The following TBXAS1 variants were observed in gnomAD, a reference collection of about 807,000 sequenced individuals.
TBXAS1 encodes the protein thromboxane-A synthase.
In TBXAS1, 48 loss-of-function variants were observed where a neutral mutation model predicts 60.7. The ratio of observed to expected loss-of-function variants is 0.79; its 90% CI spans 0.63 to 1.01. TBXAS1 has a LOEUF of 1.01. Ranked by LOEUF, TBXAS1 falls within the 50% of genes least tolerant of loss-of-function variation. TBXAS1 has a pLI of 0.00. For synonymous variants in TBXAS1, 287 were observed against 269.7 expected, an observed-to-expected ratio of 1.06 and a Z score of -0.63; for missense variants, 685 against 686.3, an observed-to-expected ratio of 1.00 and a Z score of 0.02.
intron 9 of TBXAS1, among the ~76,000 whole-genome samples, chr7:139,977,156 G>T (rs1584991158): frequency 6.6e-6 from 1 of 152,160 alleles, no homozygotes; most frequent in African/African-American, 2.4e-5. Flanking sequence ...CTCTAGGAGG[G>T]TGTATTAGTC....
intron 1 of TBXAS1, among the ~76,000 whole-genome samples, chr7:139,833,198 T>C (rs1237142412): frequency 6.6e-6 from 1 of 152,164 alleles, no homozygotes; most frequent in Admixed American, 6.5e-5. Context: ...GATACAGAAC[T>C]GCAGAATGGA....
At chr7:139,950,137 G>A (rs1337390464) in intron 5 of TBXAS1, among the ~76,000 whole-genome samples, 2 of 146,674 alleles carry the variant, frequency 1.4e-5, no homozygotes, top group African/African-American at 2.5e-5. Context: ...AGGTTCAAGC[G>A]ATTCTCCTGC....
chr7:139,969,337 G>T (rs1023205435), intron 9 of TBXAS1, among the ~76,000 whole-genome samples: 8 of 151,370 alleles, frequency 5.3e-5, no homozygotes, highest in Non-Finnish European at 8.8e-5. Context: ...AAGGATAAAA[G>T]AACATTCTGT....
At position 140,017,698 on chromosome 7, in the gene TBXAS1, C is replaced by A; in HGVS notation, c.1392C>A (p.His464Gln). The A allele has an allele frequency of 1.9e-6, 3 of 1,613,642 alleles. No homozygotes were observed. The South Asian group carries it at 3.3e-5, about 18-fold the overall frequency. Reference sequence around the variant, plus strand: ...TCACGGCTGAGGCCCGGCAGCAGCACCGGCCCTTCACGTACCTGCCCTTCG... The same window carrying A: ...TCACGGCTGAGGCCCGGCAGCAGCAACGGCCCTTCACGTACCTGCCCTTCG... ...ERFTAEARQQ[H>Q]RPFTYLPFGA... Residue 464 changes from histidine to glutamine, a missense_variant, in exon 12 of 13, where the codon CAC (histidine) becomes CAA (glutamine). Coordinates refer to ENST00000448866, the MANE Select transcript of TBXAS1 (RefSeq NM_001061.7).
chr7:139,778,805 G>A lies in TBXAS1; in HGVS notation c.-318+334G>A, dbSNP rs530553936. ...AACACTCTCCAGACTCTCCCCAGCCGGGAGCCTCTCCAGGTTTGCTTCTCC... is the reference window on the plus strand; with the variant it reads ...AACACTCTCCAGACTCTCCCCAGCCAGGAGCCTCTCCAGGTTTGCTTCTCC... On this transcript the variant is annotated intron_variant, in intron 1 of 16. Transcript: ENST00000336425. The surrounding 1 kb of genome is among the most constrained non-coding windows in gnomAD (Gnocchi z 4.8). Among the ~76,000 whole-genome samples the A allele has an allele frequency of 1.6e-3, 242 of 152,222 alleles. 1 individual carries two copies. The highest frequency in any genetic ancestry group is 5.5e-3 in the African/African-American group (229 of 41,532).
At chr7:139,895,092 T>C (rs1280586460) in intron 3 of TBXAS1, among the ~76,000 whole-genome samples, 2 of 152,244 alleles carry the variant, frequency 1.3e-5, no homozygotes, top group African/African-American at 2.4e-5. Context: ...GGTAGAATCA[T>C]GGACCAGTGA....
chr7:139,863,511 C>T (rs927213695), intron 1 of TBXAS1, among the ~76,000 whole-genome samples: 2 of 152,134 alleles, frequency 1.3e-5, no homozygotes, highest in Non-Finnish European at 1.5e-5. Flanking sequence ...TATCTGTTCT[C>T]CTGAGGTTTG....
At chr7:139,824,097 A>G (rs1798373365) in intron 4 of TBXAS1, among the ~76,000 whole-genome samples, 1 of 152,222 alleles carries the variant, frequency 6.6e-6, no homozygotes, top group Non-Finnish European at 1.5e-5. Flanking sequence ...AACATAGGGA[A>G]CATGAAGGAA....
At chr7:139,811,788 A>G (rs893272748) in intron 4 of TBXAS1, among the ~76,000 whole-genome samples, 1 of 152,210 alleles carries the variant, frequency 6.6e-6, no homozygotes, top group Non-Finnish European at 1.5e-5. Context: ...CATGGAATGT[A>G]CTCTGTTGTG....
At chr7:139,998,575 A>C (rs1813454865) in intron 9 of TBXAS1, among the ~76,000 whole-genome samples, 1 of 152,210 alleles carries the variant, frequency 6.6e-6, no homozygotes, top group South Asian at 2.1e-4. Context: ...ATAGACAATA[A>C]AAGCTGCTCT....
intron 5 of TBXAS1, among the ~76,000 whole-genome samples, chr7:139,944,635 G>A (rs1218034734): frequency 6.6e-6 from 1 of 152,160 alleles, no homozygotes; most frequent in Admixed American, 6.5e-5. Flanking sequence ...CCTCTTTGTA[G>A]TAGCCCCAAG....
At chr7:139,902,214 A>T (rs1401421912) in intron 3 of TBXAS1, among the ~76,000 whole-genome samples, 1 of 151,808 alleles carries the variant, frequency 6.6e-6, no homozygotes, top group African/African-American at 2.4e-5. Context: ...CAAGATAAAG[A>T]CTATCCTATG....
intron 1 of TBXAS1, among the ~76,000 whole-genome samples, chr7:139,836,276 C>T (rs1799056335): frequency 6.6e-6 from 1 of 152,086 alleles, no homozygotes; most frequent in African/African-American, 2.4e-5. Context: ...CAGTCTGCAT[C>T]AAAATACCAC....
chr7:140,008,829 G>A (rs981715467), intron 10 of TBXAS1, among the ~76,000 whole-genome samples: 2 of 152,198 alleles, frequency 1.3e-5, no homozygotes, highest in African/African-American at 4.8e-5. Flanking sequence ...TGAAGTTCAA[G>A]ATAAAGCATT....
chr7:139,999,436 C>T lies in TBXAS1; in HGVS notation c.1135-7655C>T, dbSNP rs989752159. On this transcript the variant is annotated intron_variant, in intron 9 of 12. Transcript: ENST00000448866. The surrounding 1 kb of genome is among the most constrained non-coding windows in gnomAD (Gnocchi z 4.3). Reference sequence around the variant, plus strand: ...CTACTTGGGAGGCTGACGCATGAGACTCGCTTGAACCCGGGAGGTGGAGGT... The same window carrying T: ...CTACTTGGGAGGCTGACGCATGAGATTCGCTTGAACCCGGGAGGTGGAGGT... Among the ~76,000 whole-genome samples, 17 of 152,134 alleles carry T rather than the reference C, an allele frequency of 1.1e-4. No homozygotes were observed. Among genetic ancestry groups the T allele is most frequent in the Non-Finnish European group, 8.8e-5 (6 of 68,040 alleles).
At chr7:139,976,530 A>G (rs1811576526) in intron 9 of TBXAS1, among the ~76,000 whole-genome samples, 1 of 152,244 alleles carries the variant, frequency 6.6e-6, no homozygotes, top group Admixed American at 6.5e-5. Flanking sequence ...TTCAGACAGC[A>G]AAAGACTCTA....
chr7:139,953,545 C>A lies in TBXAS1; in HGVS notation c.539+89C>A, dbSNP rs912594196. On this transcript the variant is annotated intron_variant, in intron 6 of 12. Coordinates refer to ENST00000448866, the MANE Select transcript of TBXAS1 (RefSeq NM_001061.7). The stretch of plus-strand genomic sequence containing the variant: ...ATAATTGCTGACAATTACCTTGGGA[C>A]TAGCAAACTGTGGAAACGCTAGAAG... 2.3e-6 allele frequency: 3 copies of A among 1,280,978 alleles called. No homozygotes were observed. The African/African-American group carries it at 4.4e-5, about 19-fold the overall frequency. 79.4% of individuals were successfully genotyped at this position (1,280,978 alleles called of 1,614,324 possible). A position where few individuals can be genotyped will look rare whatever the true frequency, so the allele number is the denominator to read the frequency against.
chr7:139,817,858 A>G (rs1410653369), intron 4 of TBXAS1, among the ~76,000 whole-genome samples: 6 of 152,264 alleles, frequency 3.9e-5, no homozygotes, highest in African/African-American at 1.4e-4. Flanking sequence ...GATTATGGAA[A>G]CAAACCTTAA....
At chr7:139,917,603 C>T (rs974530666) in intron 4 of TBXAS1, among the ~76,000 whole-genome samples, 1 of 152,216 alleles carries the variant, frequency 6.6e-6, no homozygotes, top group African/African-American at 2.4e-5. Flanking sequence ...ACACACTGAG[C>T]TTCGTTTCCA....
Sources: allele counts gnomAD v4.1 joint callset (sites outside exome capture counted in the v4.1 genomes callset), GRCh38; gene constraint gnomAD v4.1.1; non-coding constraint Gnocchi (gnomAD v3.1); transcripts MANE v1.5; gene names NCBI Gene and HGNC (gene_info 2026-07-23, HGNC 2026-07-21).